LRRK2: variants seen among roughly 807,000 people sequenced by gnomAD.
LRRK2 encodes the protein leucine-rich repeat serine/threonine-protein kinase 2.
In LRRK2, 203 loss-of-function variants were observed where a neutral mutation model predicts 302.6. The ratio of observed to expected loss-of-function variants is 0.67; its 90% confidence interval spans 0.60 to 0.75. The LOEUF is 0.75. LRRK2 is among the 30% of genes least tolerant of loss of function. LRRK2 has a pLI of 0.00. For synonymous variants in LRRK2, 1,066 were observed against 1,031.9 expected (o/e 1.03, Z -0.63); for missense variants, 2,830 against 2,951.0 (o/e 0.96, Z 0.95).
intron 2 of LRRK2, among the ~76,000 whole-genome samples, chr12:40,231,761 TTA>T (rs987977230): frequency 3.4e-5 from 5 of 147,188 alleles, no homozygotes; most frequent in Admixed American, 2.7e-4. Flanking sequence ...TATATATAAA[TTA>T]TATATATTAT....
intron 15 of LRRK2, 21 bp from the exon 16 acceptor site, chr12:40,274,833 T>A: frequency 6.2e-7 from 1 of 1,608,218 alleles, no homozygotes; most frequent in Non-Finnish European, 8.5e-7. Flanking sequence ...TTAAAACAAT[T>A]CTTTTTTTTT....
intron 16 of LRRK2, among the ~76,000 whole-genome samples, chr12:40,276,873 C>T (rs1430582926): frequency 6.6e-6 from 1 of 152,078 alleles, no homozygotes; most frequent in Non-Finnish European, 1.5e-5. Flanking sequence ...CACTCTATGG[C>T]CCAGGCTAGA....
intron 11 of LRRK2, among the ~76,000 whole-genome samples, chr12:40,254,605 A>G (rs998276210): frequency 3.3e-5 from 5 of 152,142 alleles, no homozygotes; most frequent in Admixed American, 6.6e-5. Flanking sequence ...GACTTTTACT[A>G]TGTACAGACA....
Position 40,310,456 on chromosome 12 carries a change from T to A in LRRK2, c.4343T>A (p.Ile1448Asn). Residue 1448 changes from isoleucine (I) to asparagine (N), a missense_variant, in exon 31 of 51, where the codon ATT becomes AAT. By Grantham distance (149) the Ile-to-Asn change is moderately radical. Coordinates refer to ENST00000298910, the MANE Select transcript of LRRK2 (RefSeq NM_198578.4). ...GCTCGCGCTTCTTCTTCCCCTGTGA[T>A]TCTCGTTGGCACACATTTGGATGTT... ...IKARASSSPV[I>N]LVGTHLDVSD... is the part of the protein sequence containing the mutation. 1 of 1,613,400 alleles carries A rather than the reference T, an allele frequency of 6.2e-7. No homozygotes were observed. The highest frequency in any genetic ancestry group is 8.5e-7 in the Non-Finnish European group (1 of 1,179,812).
At chr12:40,344,506 G>A (rs1431042151) in intron 41 of LRRK2, among the ~76,000 whole-genome samples, 1 of 152,078 alleles carries the variant, frequency 6.6e-6, no homozygotes, top group East Asian at 1.9e-4. Context: ...TATCTGTGTG[G>A]CCTTAGGAAA....
intron 26 of LRRK2, among the ~76,000 whole-genome samples, chr12:40,303,436 A>G (rs1356663069): frequency 6.6e-6 from 1 of 152,104 alleles, no homozygotes; most frequent in African/African-American, 2.4e-5. Context: ...TCATAAAAAT[A>G]TATGTGTAAA....
chr12:40,251,444 C>CT (rs1444029410), intron 9 of LRRK2, 21 bp from the exon 10 acceptor site: 2 of 1,611,238 alleles, frequency 1.2e-6, no homozygotes, highest in East Asian at 2.2e-5. Context: ...TGACAGATTT[C>CT]TTTTTTCTCC....
chr12:40,363,537 CTGCG>C lies in LRRK2; in HGVS notation c.7168_7171del (p.Val2390ThrfsTer3). ...CTGAAAAACTCTGTGGACTAATAGACTGCGTGCACTTTTTAAGGTAAATTCTGTG... is the reference window on the plus strand; with the variant it reads ...CTGAAAAACTCTGTGGACTAATAGACTGCACTTTTTAAGGTAAATTCTGTG... On this transcript the variant is annotated frameshift_variant, in exon 48 of 51. Transcript: ENST00000298910. LOFTEE classifies it high-confidence loss of function. 6.2e-7 allele frequency: 1 copy of C among 1,611,620 alleles called. No individual in the cohort carries two copies. Among genetic ancestry groups the C allele is most frequent in the East Asian group, 2.2e-5 (1 of 44,744 alleles).
chr12:40,299,505 G>A (rs550794341), intron 25 of LRRK2, among the ~76,000 whole-genome samples: 29 of 152,188 alleles, frequency 1.9e-4, no homozygotes, highest in Admixed American at 7.9e-4. Context: ...CATACTATTC[G>A]TTCCCAACTA....
At chr12:40,331,715 T>A (rs1945717518) in intron 39 of LRRK2, among the ~76,000 whole-genome samples, 1 of 152,226 alleles carries the variant, frequency 6.6e-6, no homozygotes, top group Non-Finnish European at 1.5e-5. Flanking sequence ...TTGTTCTAGA[T>A]ACTTCAGACT....
At chr12:40,283,520 A>G (rs1281159619) in intron 18 of LRRK2, among the ~76,000 whole-genome samples, 3 of 152,240 alleles carry the variant, frequency 2.0e-5, no homozygotes, top group Non-Finnish European at 2.9e-5. Context: ...TTTCCCAGGT[A>G]TCTTACAGTG....
At chr12:40,275,672 C>A (rs1943422482) in intron 16 of LRRK2, among the ~76,000 whole-genome samples, 1 of 150,236 alleles carries the variant, frequency 6.7e-6, no homozygotes, top group Non-Finnish European at 1.5e-5. Context: ...AGTGTAGTGG[C>A]AGATTTCAGC....
At chr12:40,277,328 T>C (rs1231452624) in intron 16 of LRRK2, among the ~76,000 whole-genome samples, 1 of 152,168 alleles carries the variant, frequency 6.6e-6, no homozygotes, top group East Asian at 1.9e-4. Context: ...TAACTTATTA[T>C]TAGAATGTAA....
Position 40,367,971 on chromosome 12 carries a change from T to C in LRRK2, c.*206T>C. ...TAAAGAACTATTTAAAACACAATGT[T>C]ATATTTCTTATAAATACCAGTTACT... is the stretch of plus-strand genomic sequence containing the variant. On this transcript the variant is annotated 3_prime_UTR_variant, in exon 51 of 51. Transcript: ENST00000298910. 3.0e-6 allele frequency: 1 copy of C among 327,962 alleles called. No individual in the cohort carries two copies. Among genetic ancestry groups the C allele is most frequent in the South Asian group, 7.8e-5 (1 of 12,778 alleles). The allele number at this position is 327,962 out of a possible 1,614,324, so 20.3% of individuals were successfully genotyped here.
chr12:40,321,986 T>C, intron 35 of LRRK2, 49 bp from the exon 36 acceptor site: 1 of 1,601,232 alleles, frequency 6.2e-7, no homozygotes, highest in Non-Finnish European at 8.5e-7. Context: ...AGTAGATTTT[T>C]TCCCTTTAAC....
Position 40,277,910 on chromosome 12 carries a change from T to A in LRRK2, c.1964T>A (p.Ile655Asn). The A allele has an allele frequency of 6.2e-7, 1 of 1,610,784 alleles. No individual in the cohort carries two copies. Among genetic ancestry groups the A allele is most frequent in the Non-Finnish European group, 8.5e-7 (1 of 1,179,382 alleles). ...QTKGFQTILA[I>N]LKLSASFSKL... ...TAGGGATTTCAGACAATCTTAGCAA[T>A]CCTCAAATTGTCAGCATCTTTTTCT... The change falls in exon 17 of 51, where the codon ATC becomes AAC. Residue 655 changes from isoleucine (I) to asparagine (N), a missense_variant. Transcript: ENST00000298910.
In LRRK2 at chr12:40,302,879, C is replaced by T. The variant is rs1487109513; in HGVS notation, c.3587C>T (p.Pro1196Leu). Residue 1196 changes from proline to leucine, a missense_variant, in exon 26 of 51, where the codon CCA becomes CTA. Pro to Leu is a moderately conservative substitution (Grantham distance 98). Around this residue, in one of 3 missense-constraint regions of LRRK2, gnomAD observed 2,121 missense variants for 2,148.0 expected, o/e 0.99. Coordinates refer to ENST00000298910, the MANE Select transcript of LRRK2 (RefSeq NM_198578.4). ...SCIPEAILNL[P>L]HLRSLDMSSN... ...ATTCCAGAAGCAATTTTAAATCTTC[C>T]ACAGTAAGTTTATTGTTATTTTAAT... 3 of 1,549,650 alleles carry T rather than the reference C, an allele frequency of 1.9e-6. No homozygotes were observed. Among genetic ancestry groups the T allele is most frequent in the South Asian group, 2.2e-5 (2 of 89,560 alleles).
intron 13 of LRRK2, among the ~76,000 whole-genome samples, chr12:40,261,481 G>T (rs552931117): frequency 2.0e-5 from 3 of 152,110 alleles, no homozygotes; most frequent in African/African-American, 7.2e-5. Context: ...TGTACTTAAT[G>T]TAAAAAAATA....
In LRRK2 at chr12:40,340,843, C is replaced by T. The variant is rs544698573; in HGVS notation, c.6109+389C>T. ...CAAATTCTTTTTCATAATTCTGAAA[C>T]CCAAAGAACTCTGAAAATCCCAAGA... On this transcript the variant is annotated intron_variant, in intron 41 of 50. Transcript: ENST00000298910. 4.6e-5 allele frequency among the ~76,000 whole-genome samples: 7 copies of T among 152,256 alleles called. No homozygotes were observed. The East Asian group carries it at 1.3e-3, about 29-fold the overall frequency.
Sources: allele counts gnomAD v4.1 joint callset (sites outside exome capture counted in the v4.1 genomes callset), GRCh38; gene constraint gnomAD v4.1.1; regional missense constraint gnomAD v4.1.1; transcripts MANE v1.5; gene names NCBI Gene and HGNC (gene_info 2026-07-23, HGNC 2026-07-21).